The following CACNA2D3 variants were observed in gnomAD, a reference collection of about 807,000 sequenced individuals.
The protein encoded by CACNA2D3 is calcium voltage-gated channel auxiliary subunit alpha2delta 3, also known as voltage-dependent calcium channel subunit alpha-2/delta-3.
Under a neutral mutation model 160.6 loss-of-function variants are expected in CACNA2D3, and 60 were observed. The observed-to-expected ratio is 0.37, with a 90% CI of 0.30 to 0.46. The LOEUF is 0.46. Among genes scored for constraint, CACNA2D3 ranks in the 20% least tolerant of loss-of-function variants. The pLI, the probability that CACNA2D3 is intolerant of heterozygous loss-of-function variation, is 1.00. For synonymous variants in CACNA2D3, 558 were observed against 492.9 expected (o/e 1.13, Z -1.75); for missense variants, 1,205 against 1,365.0 (o/e 0.88, Z 1.85).
chr3:54,627,031 C>T (rs1699133964), intron 9 of CACNA2D3, among the ~76,000 whole-genome samples: 3 of 152,314 alleles, frequency 2.0e-5, no homozygotes, highest in Middle Eastern at 6.8e-3. Context: ...TGGAGCTCTT[C>T]TGGATTTCTA....
In CACNA2D3 at chr3:54,770,562, G is replaced by A. The variant is rs139496096; in HGVS notation, c.1380+6211G>A. Among the ~76,000 whole-genome samples the A allele has an allele frequency of 2.6e-3, 394 of 152,224 alleles. 2 individuals are homozygous for A. Among genetic ancestry groups the A allele is most frequent in the African/African-American group, 8.9e-3 (370 of 41,556 alleles). On this transcript the variant is annotated intron_variant, in intron 13 of 37. Transcript: ENST00000474759. Reference sequence around the variant, plus strand: ...CACTTTTTTTGTTGTTTTTCTAAACGGGAAAAGGGTTAATTGGCCACAGCT... The same window carrying A: ...CACTTTTTTTGTTGTTTTTCTAAACAGGAAAAGGGTTAATTGGCCACAGCT...
At chr3:54,261,759 C>T (rs1702403310) in intron 2 of CACNA2D3, among the ~76,000 whole-genome samples, 2 of 152,218 alleles carry the variant, frequency 1.3e-5, no homozygotes, top group Admixed American at 6.5e-5. Context: ...CATTCTACCT[C>T]TCACTATCCT....
chr3:54,597,957 C>T (rs894419747), intron 9 of CACNA2D3, among the ~76,000 whole-genome samples: 1 of 151,954 alleles, frequency 6.6e-6, no homozygotes, highest in African/African-American at 2.4e-5. Context: ...ACATCACACC[C>T]CTGTGAGCTG....
intron 3 of CACNA2D3, among the ~76,000 whole-genome samples, chr3:54,382,113 G>A (rs930785892): frequency 5.3e-5 from 8 of 152,060 alleles, no homozygotes; most frequent in Admixed American, 3.9e-4. Flanking sequence ...CAGTGTTCAC[G>A]TTTAATTAAA....
chr3:54,420,699 G>A (rs139209228), intron 4 of CACNA2D3, among the ~76,000 whole-genome samples: 40 of 152,256 alleles, frequency 2.6e-4, no homozygotes, highest in African/African-American at 9.4e-4. Flanking sequence ...TACTATTATT[G>A]CCCCTACTTC....
At chr3:54,931,547 C>A (rs1575386293) in intron 27 of CACNA2D3, among the ~76,000 whole-genome samples, 1 of 152,170 alleles carries the variant, frequency 6.6e-6, no homozygotes, top group African/African-American at 2.4e-5. Context: ...GAATGCAGCT[C>A]AGGCCAGAGC....
intron 5 of CACNA2D3, among the ~76,000 whole-genome samples, chr3:54,544,627 G>A (rs1212446675): frequency 6.6e-6 from 1 of 151,920 alleles, no homozygotes; most frequent in Non-Finnish European, 1.5e-5. Context: ...CAAACTCCTG[G>A]CCTCAAGCGA....
In CACNA2D3 at chr3:54,438,674, A is replaced by G. The variant is rs116111399; in HGVS notation, c.381+51900A>G. On this transcript the variant is annotated intron_variant, in intron 4 of 37. Transcript: ENST00000474759. ...AAAGGGAGTATTGTATTTATCAGCTATTATCATTCTAAATTTGCATAAAAG... is the reference window on the plus strand; with the variant it reads ...AAAGGGAGTATTGTATTTATCAGCTGTTATCATTCTAAATTTGCATAAAAG... Among the ~76,000 whole-genome samples, 255 of 152,332 alleles carry G rather than the reference A, an allele frequency of 1.7e-3. 2 individuals carry two copies. The highest frequency in any genetic ancestry group is 6.0e-3 in the African/African-American group (248 of 41,580).
intron 35 of CACNA2D3, among the ~76,000 whole-genome samples, chr3:55,057,659 G>T (rs1704397790): frequency 6.6e-6 from 1 of 152,138 alleles, no homozygotes; most frequent in Non-Finnish European, 1.5e-5. Context: ...ACTTCTCATG[G>T]TGATTTGCCC....
intron 9 of CACNA2D3, among the ~76,000 whole-genome samples, chr3:54,622,690 C>T (rs556045956): frequency 7.2e-5 from 11 of 152,176 alleles, no homozygotes; most frequent in South Asian, 2.1e-4. Flanking sequence ...GATCTTACAA[C>T]GACCACAACT....
intron 3 of CACNA2D3, among the ~76,000 whole-genome samples, chr3:54,347,311 C>A (rs934341515): frequency 6.6e-6 from 1 of 152,186 alleles, no homozygotes; most frequent in Non-Finnish European, 1.5e-5. Flanking sequence ...ATTTCCATCT[C>A]TTAACCAGTG....
intron 35 of CACNA2D3, among the ~76,000 whole-genome samples, chr3:55,027,986 G>T (rs1703601462): frequency 6.6e-6 from 1 of 152,178 alleles, no homozygotes; most frequent in South Asian, 2.1e-4. Flanking sequence ...GCTGACCCTG[G>T]TGTCTAAACA....
intron 2 of CACNA2D3, among the ~76,000 whole-genome samples, chr3:54,258,755 A>T (rs1386180580): frequency 1.1e-4 from 17 of 152,164 alleles, no homozygotes; most frequent in Admixed American, 1.0e-3. Context: ...TGGTCATGTA[A>T]GTGTTTGAAA....
intron 11 of CACNA2D3, among the ~76,000 whole-genome samples, chr3:54,751,726 C>G (rs1448147099): frequency 6.6e-6 from 1 of 152,188 alleles, no homozygotes; most frequent in African/African-American, 2.4e-5. Context: ...ATACCACCTG[C>G]TGAGTGTCAT....
chr3:54,219,214 T>G (rs796493302), intron 2 of CACNA2D3, among the ~76,000 whole-genome samples: 2 of 152,266 alleles, frequency 1.3e-5, no homozygotes, highest in African/African-American at 4.8e-5. Flanking sequence ...TTTTCCCAAT[T>G]TTGTGTTCAG....
intron 13 of CACNA2D3, among the ~76,000 whole-genome samples, chr3:54,774,535 G>A (rs1013446767): frequency 1.3e-5 from 2 of 152,126 alleles, no homozygotes; most frequent in Middle Eastern, 3.4e-3. Context: ...CTCCAACACC[G>A]GGGGTTACAA....
intron 8 of CACNA2D3, among the ~76,000 whole-genome samples, chr3:54,575,169 C>T (rs1331571536): frequency 6.6e-6 from 1 of 152,198 alleles, no homozygotes; most frequent in Non-Finnish European, 1.5e-5. Context: ...ATAATCCCTA[C>T]ATGTTTTCAT....
rs1451356443 is a variant in CACNA2D3 at position 54,879,219 on chromosome 3, A to G, written c.1782+130A>G. 6 of 861,250 alleles carry G rather than the reference A, an allele frequency of 7.0e-6. No individual in the cohort carries two copies. In the Admixed American group the frequency reaches 8.3e-5, roughly 12 times the overall value. The allele number at this position is 861,250 out of a possible 1,614,324, so 53.4% of individuals were successfully genotyped here. ...TTTTCTCTTGTCTTTACTTATCTCA[A>G]ACAAGATTCATGTAGTACTGTTAAC... On this transcript the variant is annotated intron_variant, in intron 19 of 37. Coordinates refer to ENST00000474759, the MANE Select transcript of CACNA2D3 (RefSeq NM_018398.3).
chr3:54,646,111 C>CTTCT (rs952852369), intron 11 of CACNA2D3, among the ~76,000 whole-genome samples: 1 of 125,532 alleles, frequency 8.0e-6, no homozygotes, highest in African/African-American at 2.9e-5. Context: ...GTTTTCCTTC[C>CTTCT]TTCCTTCCTT....
Sources: allele counts gnomAD v4.1 joint callset (sites outside exome capture counted in the v4.1 genomes callset), GRCh38; gene constraint gnomAD v4.1.1; transcripts MANE v1.5; gene names NCBI Gene and HGNC (gene_info 2026-07-23, HGNC 2026-07-21).